The following ADGRB3 variants were observed in gnomAD, a reference collection of about 807,000 sequenced individuals.
ADGRB3 encodes adhesion G protein-coupled receptor B3, also known as brain-specific angiogenesis inhibitor 3.
Under a neutral mutation model 193.4 loss-of-function variants are expected in ADGRB3, and 37 were observed. The ratio of observed to expected loss-of-function variants is 0.19; its 90% confidence interval spans 0.15 to 0.25. The LOEUF is 0.25. ADGRB3 is among the 10% of genes least tolerant of loss of function. The pLI, the probability that ADGRB3 is intolerant of heterozygous loss-of-function variation, is 1.00. For synonymous variants in ADGRB3, 690 were observed against 644.2 expected (o/e 1.07, Z -1.08); for missense variants, 1,637 against 1,852.9 (o/e 0.88, Z 2.14).
chr6:69,334,722 G>C (rs967042847), intron 24 of ADGRB3, among the ~76,000 whole-genome samples: 3 of 152,162 alleles, frequency 2.0e-5, no homozygotes, highest in African/African-American at 7.2e-5. Flanking sequence ...TAGAAACTCA[G>C]TTCTGCTGCT....
intron 3 of ADGRB3, among the ~76,000 whole-genome samples, chr6:68,783,335 A>C (rs1219571958): frequency 6.8e-6 from 1 of 147,120 alleles, no homozygotes; most frequent in African/African-American, 2.5e-5. Context: ...TATATATATA[A>C]TATACATATA....
chr6:68,657,813 G>T (rs950864573), intron 3 of ADGRB3, among the ~76,000 whole-genome samples: 1 of 151,244 alleles, frequency 6.6e-6, no homozygotes. Context: ...GGTAATATCA[G>T]CCTAATATAT....
Position 69,388,792 on chromosome 6 carries a change from A to G in ADGRB3, c.4470A>G (p.Thr1490=). The G allele has an allele frequency of 6.2e-7, 1 of 1,613,594 alleles. No homozygotes were observed. Among genetic ancestry groups the G allele is most frequent in the African/African-American group, 1.3e-5 (1 of 75,008 alleles). ...PHYTTINVLD[T]EAKDALELRP... ...ACACCACAATCAATGTCTTAGACAC[A>G]GAGGCAAAGGATGCTTTGGAACTGA... is the stretch of plus-strand genomic sequence containing the variant. The change falls in exon 32 of 32, where the codon ACA becomes ACG. Residue 1490 remains threonine, a synonymous_variant. Coordinates refer to ENST00000370598, the MANE Select transcript of ADGRB3 (RefSeq NM_001704.3).
Position 69,274,475 on chromosome 6 carries a change from T to TCCTTCCTC in ADGRB3, c.2814+35252_2814+35253insTCCTCCCT, listed in dbSNP as rs1057078353. ...TTCCTTCCTTCCTTCCTTCCTTCCTTCCTCCCTCCCTCCCTCCCTCCCTTT... is the reference window on the plus strand; with the variant it reads ...TTCCTTCCTTCCTTCCTTCCTTCCTTCCTTCCTCCCTCCCTCCCTCCCTCCCTCCCTTT... On this transcript the variant is annotated intron_variant, in intron 20 of 31. Coordinates refer to ENST00000370598, the MANE Select transcript of ADGRB3 (RefSeq NM_001704.3). Among the ~76,000 whole-genome samples, 460 of 115,954 alleles carry TCCTTCCTC rather than the reference T, an allele frequency of 4.0e-3. 2 individuals carry two copies. Among genetic ancestry groups the TCCTTCCTC allele is most frequent in the Non-Finnish European group, 5.9e-3 (348 of 59,188 alleles). 76.1% of individuals were successfully genotyped at this position (115,954 alleles called of 152,430 possible).
intron 3 of ADGRB3, among the ~76,000 whole-genome samples, chr6:68,917,410 T>G (rs910177043): frequency 2.6e-5 from 4 of 152,216 alleles, no homozygotes; most frequent in African/African-American, 9.6e-5. Context: ...TATAGTTGCC[T>G]AAACAATATA....
intron 11 of ADGRB3, among the ~76,000 whole-genome samples, chr6:69,010,910 C>T (rs543015620): frequency 6.6e-6 from 1 of 152,018 alleles, no homozygotes; most frequent in South Asian, 2.1e-4. Flanking sequence ...GAACTATTAT[C>T]ACCATTAATG....
intron 20 of ADGRB3, among the ~76,000 whole-genome samples, chr6:69,267,267 T>G (rs567912288): frequency 3.2e-4 from 48 of 152,256 alleles, no homozygotes; most frequent in Middle Eastern, 6.8e-3. Flanking sequence ...AGTGCTAAGA[T>G]GGACCTGTCC....
Position 69,225,676 on chromosome 6 carries a change from G to A in ADGRB3, c.2481-7614G>A, listed in dbSNP as rs1188116141. Among the ~76,000 whole-genome samples the A allele has an allele frequency of 6.6e-5, 10 of 152,282 alleles. No homozygotes were observed. In the East Asian group the frequency reaches 1.7e-3, roughly 26 times the overall value. Reference sequence around the variant, plus strand: ...AAATTGAGATATCCAGGCAACTTTTGCCTCTAGGCTGTTTCATCTGTAAGG... The same window carrying A: ...AAATTGAGATATCCAGGCAACTTTTACCTCTAGGCTGTTTCATCTGTAAGG... On this transcript the variant is annotated intron_variant, in intron 17 of 31. Transcript: ENST00000370598.
In ADGRB3 at chr6:69,274,445, T is replaced by TTTCCTTCC. The variant is rs550005820; in HGVS notation, c.2814+35245_2814+35252dup. On this transcript the variant is annotated intron_variant, in intron 20 of 31. Transcript: ENST00000370598. ...GTTGTCTCTCACATTGGTGGTTGCA[T>TTTCCTTCC]TTCCTTCCTTCCTTCCTTCCTTCCT... is the stretch of plus-strand genomic sequence containing the variant. 2.9e-3 allele frequency among the ~76,000 whole-genome samples: 362 copies of TTTCCTTCC among 123,418 alleles called. 8 individuals are homozygous for TTTCCTTCC. Among genetic ancestry groups the TTTCCTTCC allele is most frequent in the African/African-American group, 0.011 (320 of 28,980 alleles). The allele number at this position is 123,418 out of a possible 152,430, so 81.0% of individuals were successfully genotyped here. A position where few individuals can be genotyped will look rare whatever the true frequency, so the allele number is the denominator to read the frequency against.
At chr6:69,298,908 T>C (rs1767893414) in intron 20 of ADGRB3, among the ~76,000 whole-genome samples, 2 of 152,108 alleles carry the variant, frequency 1.3e-5, no homozygotes, top group South Asian at 4.1e-4. Context: ...AGCAGTTGGA[T>C]TGCTGGATCA....
chr6:68,999,168 CA>C (rs1769485467), intron 11 of ADGRB3, among the ~76,000 whole-genome samples: 3 of 152,020 alleles, frequency 2.0e-5, no homozygotes, highest in Non-Finnish European at 4.4e-5. Flanking sequence ...GAACATATTT[CA>C]AAAACTTTTC....
intron 30 of ADGRB3, among the ~76,000 whole-genome samples, chr6:69,379,381 C>T (rs73473360): frequency 0.082 from 12,381 of 151,832 alleles, 1,581 homozygotes; most frequent in African/African-American, 0.28. Context: ...ACATAAAAAA[C>T]AGCTAAATGA....
intron 8 of ADGRB3, among the ~76,000 whole-genome samples, chr6:68,966,750 C>T (rs555854801): frequency 6.6e-6 from 1 of 152,076 alleles, no homozygotes; most frequent in African/African-American, 2.4e-5. Flanking sequence ...CAAGAGACAT[C>T]GACTATTCTT....
At chr6:69,206,213 C>T (rs758335734) in intron 17 of ADGRB3, among the ~76,000 whole-genome samples, 9 of 151,576 alleles carry the variant, frequency 5.9e-5, no homozygotes, top group East Asian at 2.0e-4. Context: ...AGGAAGCATG[C>T]GGAATGGGAG....
At chr6:69,227,884 G>A (rs1478982850) in intron 17 of ADGRB3, among the ~76,000 whole-genome samples, 2 of 152,200 alleles carry the variant, frequency 1.3e-5, no homozygotes, top group East Asian at 1.9e-4. Context: ...ATATGCTAAA[G>A]GACTGCAAAT....
intron 27 of ADGRB3, among the ~76,000 whole-genome samples, chr6:69,354,898 A>G (rs1374187576): frequency 6.6e-6 from 1 of 152,230 alleles, no homozygotes; most frequent in Admixed American, 6.5e-5. Context: ...TACTTTAGGT[A>G]TAACCACTTT....
chr6:69,144,666 C>T (rs925627038), intron 17 of ADGRB3, among the ~76,000 whole-genome samples: 1 of 152,086 alleles, frequency 6.6e-6, no homozygotes, highest in Non-Finnish European at 1.5e-5. Flanking sequence ...TTGAAATGAT[C>T]ATATTATTTT....
chr6:69,074,789 C>T (rs1302448764), intron 16 of ADGRB3, among the ~76,000 whole-genome samples: 2 of 152,098 alleles, frequency 1.3e-5, no homozygotes, highest in Non-Finnish European at 2.9e-5. Context: ...TCGTGATCTG[C>T]CCTCCTTGGC....
intron 17 of ADGRB3, among the ~76,000 whole-genome samples, chr6:69,118,664 G>A (rs916992268): frequency 6.0e-5 from 9 of 150,852 alleles, no homozygotes; most frequent in Non-Finnish European, 1.0e-4. Context: ...GGTTAGATTC[G>A]ATGTTAAGGG....
Sources: gnomAD v4.1 joint callset for allele counts (sites outside exome capture counted in the v4.1 genomes callset) on GRCh38, gnomAD v4.1.1 for gene constraint, MANE v1.5 for transcripts, NCBI Gene and HGNC (gene_info 2026-07-23, HGNC 2026-07-21) for gene names.